Variants in RIMS1 observed in about 807,000 individuals in gnomAD.
RIMS1 encodes regulating synaptic membrane exocytosis protein 1.
In RIMS1, 83 loss-of-function variants were observed where a neutral mutation model predicts 214.1. That is an observed-to-expected ratio of 0.39 (90% CI 0.32 to 0.47). The LOEUF (loss-of-function observed/expected upper bound fraction) is 0.47. RIMS1 is among the 20% of genes least tolerant of loss of function. The probability of loss-of-function intolerance (pLI) is 0.99; values close to 1 mark genes in which losing one functional copy is unlikely to be tolerated. For missense variants in RIMS1, 2,050 were observed against 2,161.8 expected (o/e 0.95, Z 1.03); for synonymous variants, 793 against 786.8 (o/e 1.01, Z -0.13).
chr6:71,921,473 T>C (rs1562199315), intron 1 of RIMS1, among the ~76,000 whole-genome samples: 1 of 152,172 alleles, frequency 6.6e-6, no homozygotes, highest in Non-Finnish European at 1.5e-5. Flanking sequence ...AAACTCCCAT[T>C]TTCCAATGCA....
chr6:72,210,911 G>T (rs2053690514), intron 6 of RIMS1, among the ~76,000 whole-genome samples: 1 of 152,150 alleles, frequency 6.6e-6, no homozygotes, highest in Non-Finnish European at 1.5e-5. Context: ...TGCATGCAGG[G>T]ATCAGTGAAA....
intron 26 of RIMS1, among the ~76,000 whole-genome samples, chr6:72,299,089 GT>G (rs931271005): frequency 6.6e-6 from 1 of 151,840 alleles, no homozygotes; most frequent in Non-Finnish European, 1.5e-5. Context: ...TTCTTGGACA[GT>G]TTTAAAGAGC....
intron 1 of RIMS1, among the ~76,000 whole-genome samples, chr6:71,942,723 T>G (rs558644868): frequency 6.6e-6 from 1 of 151,948 alleles, no homozygotes; most frequent in Non-Finnish European, 1.5e-5. Flanking sequence ...ACAAAAAAAT[T>G]AGCTTTGAAT....
At chr6:72,318,726 G>T (rs1268873620) in intron 28 of RIMS1, among the ~76,000 whole-genome samples, 2 of 152,100 alleles carry the variant, frequency 1.3e-5, no homozygotes, top group South Asian at 2.1e-4. Flanking sequence ...GTTTTTCCTT[G>T]TTGTTCTTTA....
intron 2 of RIMS1, among the ~76,000 whole-genome samples, chr6:71,992,540 T>C (rs1224380205): frequency 6.7e-6 from 1 of 148,818 alleles, no homozygotes; most frequent in Non-Finnish European, 1.5e-5. Flanking sequence ...CCTCCTCCTC[T>C]TCTTCTTCTC....
At chr6:72,338,476 A>G (rs1414532839) in intron 29 of RIMS1, among the ~76,000 whole-genome samples, 1 of 152,074 alleles carries the variant, frequency 6.6e-6, no homozygotes, top group African/African-American at 2.4e-5. Flanking sequence ...AATGGGATCT[A>G]ATTAAACTGA....
intron 2 of RIMS1, among the ~76,000 whole-genome samples, chr6:72,005,957 T>A (rs1313610268): frequency 6.6e-6 from 1 of 152,212 alleles, no homozygotes; most frequent in African/African-American, 2.4e-5. Flanking sequence ...ATAGAGTGGT[T>A]GGCTACTAAA....
intron 1 of RIMS1, among the ~76,000 whole-genome samples, chr6:71,939,430 C>G (rs925419327): frequency 6.6e-6 from 1 of 152,196 alleles, no homozygotes; most frequent in Non-Finnish European, 1.5e-5. Context: ...TCCACATTTT[C>G]AGATATTTGT....
chr6:72,264,731 G>A (rs1261517336), intron 19 of RIMS1, among the ~76,000 whole-genome samples: 1 of 151,950 alleles, frequency 6.6e-6, no homozygotes, highest in Admixed American at 6.6e-5. Context: ...TGGTTAGCAG[G>A]TATTTTTCTA....
chr6:72,195,913 C>T (rs537002364), intron 6 of RIMS1, among the ~76,000 whole-genome samples: 21 of 151,958 alleles, frequency 1.4e-4, no homozygotes, highest in African/African-American at 2.9e-4. Flanking sequence ...TGAGAGAGAG[C>T]GAGAGTATGA....
intron 6 of RIMS1, among the ~76,000 whole-genome samples, chr6:72,209,169 A>G (rs907460525): frequency 2.0e-5 from 3 of 152,230 alleles, no homozygotes; most frequent in African/African-American, 7.2e-5. Context: ...ACTTAATTTG[A>G]ATTTGAATTT....
intron 2 of RIMS1, among the ~76,000 whole-genome samples, chr6:72,066,257 C>A (rs540714219): frequency 6.6e-6 from 1 of 152,290 alleles, no homozygotes; most frequent in Non-Finnish European, 1.5e-5. Flanking sequence ...TTTCAGTTTT[C>A]TTCGTTGCTT....
intron 29 of RIMS1, among the ~76,000 whole-genome samples, chr6:72,360,919 T>C (rs1430078898): frequency 6.7e-6 from 1 of 149,406 alleles, no homozygotes; most frequent in Non-Finnish European, 1.5e-5. Context: ...AGAAATCCTC[T>C]GTTTAAGTGG....
intron 2 of RIMS1, among the ~76,000 whole-genome samples, chr6:72,057,787 G>A (rs757847821): frequency 1.3e-5 from 2 of 152,186 alleles, no homozygotes; most frequent in South Asian, 2.1e-4. Flanking sequence ...GATTACAGGC[G>A]TGAGACACCA....
At chr6:72,032,232 G>A (rs1818332308) in intron 2 of RIMS1, among the ~76,000 whole-genome samples, 1 of 151,930 alleles carries the variant, frequency 6.6e-6, no homozygotes, top group Non-Finnish European at 1.5e-5. Context: ...TGAATCACCC[G>A]TAATTAAACA....
intron 4 of RIMS1, among the ~76,000 whole-genome samples, chr6:72,157,825 T>G (rs1298971431): frequency 7.1e-6 from 1 of 140,704 alleles, no homozygotes. Context: ...ATTTCCCATT[T>G]TATTACTTCT....
At chr6:72,153,882 TA>T (rs954295806) in intron 4 of RIMS1, among the ~76,000 whole-genome samples, 52 of 152,176 alleles carry the variant, frequency 3.4e-4, no homozygotes, top group African/African-American at 1.2e-3. Flanking sequence ...TTTAAAATTT[TA>T]AAAACGTACA....
chr6:72,010,873 G>A (rs1235267094), intron 2 of RIMS1, among the ~76,000 whole-genome samples: 3 of 152,168 alleles, frequency 2.0e-5, no homozygotes, highest in Non-Finnish European at 4.4e-5. Context: ...TGGGTAGGAA[G>A]AATCAATATC....
At position 72,240,563 on chromosome 6, in the gene RIMS1, C is replaced by A. The variant is rs1362042251; in HGVS notation, c.1958-1751C>A. Among the ~76,000 whole-genome samples, 3 of 140,454 alleles carry A rather than the reference C, an allele frequency of 2.1e-5. No homozygotes were observed. The South Asian group carries it at 6.8e-4, about 32-fold the overall frequency. 92.1% of individuals were successfully genotyped at this position (140,454 alleles called of 152,430 possible). ...CAGGATCATGATGTCAACTTTGTTT[C>A]TTGGTCAAAATATTTTGAAAGCACT... On this transcript the variant is annotated intron_variant, in intron 9 of 33. Transcript: ENST00000521978.
Sources: allele counts gnomAD v4.1 joint callset (sites outside exome capture counted in the v4.1 genomes callset), GRCh38; gene constraint gnomAD v4.1.1; transcripts MANE v1.5; gene names NCBI Gene and HGNC (gene_info 2026-07-23, HGNC 2026-07-21).